KDM4C: variants seen among roughly 807,000 people sequenced by gnomAD.
The protein encoded by KDM4C is lysine-specific demethylase 4C.
Under a neutral mutation model 129.3 loss-of-function variants are expected in KDM4C, and 81 were observed. The ratio of observed to expected loss-of-function variants is 0.63; its 90% confidence interval spans 0.52 to 0.75. KDM4C has a LOEUF of 0.75. KDM4C is among the 30% of genes least tolerant of loss of function. The probability of loss-of-function intolerance (pLI) is 0.00; values close to 1 mark genes in which losing one functional copy is unlikely to be tolerated. For missense variants in KDM4C, 1,457 were observed against 1,304.0 expected, an observed-to-expected ratio of 1.12 and a Z score of -1.81; for synonymous variants, 573 against 456.1, an observed-to-expected ratio of 1.26 and a Z score of -3.26.
intron 8 of KDM4C, among the ~76,000 whole-genome samples, chr9:6,902,297 A>C: frequency 6.6e-6 from 1 of 152,184 alleles, no homozygotes. Flanking sequence ...AGTACTTTTA[A>C]GGGGAGGAAG....
intron 9 of KDM4C, among the ~76,000 whole-genome samples, chr9:6,983,645 G>A (rs1379662393): frequency 6.9e-6 from 1 of 145,656 alleles, no homozygotes. Context: ...AAATCCTTTC[G>A]CTATTGATGA....
chr9:6,753,594 A>G (rs145573738), upstream of KDM4C, among the ~76,000 whole-genome samples: 213 of 152,214 alleles, frequency 1.4e-3, 3 homozygotes, highest in African/African-American at 4.4e-3. Flanking sequence ...TTTATAATGA[A>G]CAGAAGTTTA....
Position 6,761,997 on chromosome 9 carries a change from A to T in KDM4C, c.-18+3794A>T, listed in dbSNP as rs533302052. Among the ~76,000 whole-genome samples the T allele has an allele frequency of 3.3e-5, 5 of 151,806 alleles. No homozygotes were observed. The South Asian group carries it at 1.0e-3, about 32-fold the overall frequency. On this transcript the variant is annotated intron_variant, in intron 1 of 21. Transcript: ENST00000381309. The stretch of plus-strand genomic sequence containing the variant: ...GTATTTTTAGTAGAGACGGGGTTTC[A>T]CCGTGTTGGCCAGGATGGTCTCGAT...
At chr9:7,076,422 T>G (rs1457094123) in intron 17 of KDM4C, 1 of 1,536,874 alleles carries the variant, frequency 6.5e-7, no homozygotes, top group South Asian at 1.2e-5. Context: ...AAATTTGCAT[T>G]GTGTTTTTCA....
intron 8 of KDM4C, among the ~76,000 whole-genome samples, chr9:6,932,372 C>G (rs1823913740): frequency 6.6e-6 from 1 of 152,162 alleles, no homozygotes; most frequent in African/African-American, 2.4e-5. Context: ...TTGAAATGGA[C>G]TTTGAGGAAG....
chr9:6,840,173 G>C (rs1407117077), intron 4 of KDM4C, among the ~76,000 whole-genome samples: 2 of 150,854 alleles, frequency 1.3e-5, no homozygotes, highest in Non-Finnish European at 3.0e-5. Context: ...CCCAGGCTAA[G>C]GTGCTCTTTC....
intron 8 of KDM4C, among the ~76,000 whole-genome samples, chr9:6,901,562 A>G (rs537499196): frequency 8.5e-5 from 13 of 152,058 alleles, no homozygotes; most frequent in African/African-American, 3.1e-4. Context: ...AGGCTCATCT[A>G]CCCCCATTTG....
intron 14 of KDM4C, among the ~76,000 whole-genome samples, chr9:7,015,296 G>A (rs1023198257): frequency 2.3e-4 from 35 of 152,192 alleles, no homozygotes; most frequent in African/African-American, 8.4e-4. Flanking sequence ...AGAGTGACAT[G>A]TGTTCCTTGA....
At chr9:6,889,300 G>T (rs1030093465) in intron 7 of KDM4C, among the ~76,000 whole-genome samples, 2 of 149,932 alleles carry the variant, frequency 1.3e-5, no homozygotes, top group Non-Finnish European at 3.0e-5. Flanking sequence ...AAGTGCCAGG[G>T]TTCATTCTTC....
intron 8 of KDM4C, among the ~76,000 whole-genome samples, chr9:6,952,314 G>A (rs1400478183): frequency 3.3e-5 from 5 of 151,652 alleles, no homozygotes; most frequent in Non-Finnish European, 5.9e-5. Flanking sequence ...TAAATCAATC[G>A]TGGTACAGTT....
At chr9:6,798,813 C>T (rs1213443863) in intron 2 of KDM4C, among the ~76,000 whole-genome samples, 25 of 151,622 alleles carry the variant, frequency 1.6e-4, no homozygotes, top group African/African-American at 5.3e-4. Context: ...CCCGTAGGGG[C>T]GGCCGGGCAG....
intron 4 of KDM4C, among the ~76,000 whole-genome samples, chr9:6,817,350 C>T (rs549259749): frequency 3.3e-5 from 5 of 151,856 alleles, no homozygotes; most frequent in South Asian, 2.1e-4. Flanking sequence ...TACCTGCAGG[C>T]GCCACCATGC....
At chr9:7,159,556 G>C (rs1455417046) in intron 19 of KDM4C, among the ~76,000 whole-genome samples, 1 of 152,156 alleles carries the variant, frequency 6.6e-6, no homozygotes, top group Non-Finnish European at 1.5e-5. Flanking sequence ...GCATTTGCTT[G>C]TCTGTAAAGG....
intron 10 of KDM4C, among the ~76,000 whole-genome samples, 174 bp from the exon 11 acceptor site, chr9:6,986,170 G>C (rs1817660578): frequency 6.6e-6 from 1 of 152,218 alleles, no homozygotes; most frequent in Non-Finnish European, 1.5e-5. Context: ...TTCAGTATCA[G>C]AGCTAGTATG....
At chr9:7,159,357 A>G (rs150580244) in intron 19 of KDM4C, among the ~76,000 whole-genome samples, 1 of 152,118 alleles carries the variant, frequency 6.6e-6, no homozygotes, top group Non-Finnish European at 1.5e-5. Context: ...GTTATGTGTG[A>G]ATTTGATCCT....
rs193116606 is a variant in KDM4C, at chr9:6,740,158, G to A, written c.49+19161G>A. 1.4e-4 allele frequency among the ~76,000 whole-genome samples: 22 copies of A among 151,912 alleles called. No individual in the cohort carries two copies. In the East Asian group the frequency reaches 4.3e-3, roughly 30 times the overall value. On this transcript the variant is annotated intron_variant, in intron 1 of 17. Coordinates refer to the KDM4C transcript ENST00000536108. ...GCCTGCCTTGGCCTCCCAAAGTGCT[G>A]GAATTACAGGTGTGCGACACCACAC...
intron 1 of KDM4C, among the ~76,000 whole-genome samples, chr9:6,735,319 A>G (rs1431456208): frequency 6.6e-6 from 1 of 152,220 alleles, no homozygotes; most frequent in Admixed American, 6.5e-5. Flanking sequence ...TATTGCTATC[A>G]GTATTAAACT....
At chr9:6,902,362 A>G (rs1339086381) in intron 8 of KDM4C, among the ~76,000 whole-genome samples, 1 of 152,190 alleles carries the variant, frequency 6.6e-6, no homozygotes. Context: ...TGCACTGTAT[A>G]TACCTCTTTC....
intron 4 of KDM4C, among the ~76,000 whole-genome samples, chr9:6,834,183 C>T (rs773417894): frequency 2.6e-5 from 4 of 151,820 alleles, no homozygotes; most frequent in Non-Finnish European, 5.9e-5. Flanking sequence ...GGACTACAGG[C>T]GTGCGCCACC....
Sources: allele counts gnomAD v4.1 joint callset (sites outside exome capture counted in the v4.1 genomes callset), GRCh38; gene constraint gnomAD v4.1.1; transcripts MANE v1.5; gene names NCBI Gene and HGNC (gene_info 2026-07-23, HGNC 2026-07-21).